GALNT17: variants seen among roughly 807,000 people sequenced by gnomAD.
The protein encoded by GALNT17 is polypeptide N-acetylgalactosaminyltransferase 17.
Under a neutral mutation model 63.7 loss-of-function variants are expected in GALNT17, and 29 were observed. That is an observed-to-expected ratio of 0.46 (90% CI 0.34 to 0.62). The LOEUF is 0.62. Ranked by LOEUF, GALNT17 falls within the 20% of genes least tolerant of loss-of-function variation. The probability of loss-of-function intolerance (pLI) is 0.01; values close to 1 mark genes in which losing one functional copy is unlikely to be tolerated. For synonymous variants in GALNT17, 305 were observed against 318.3 expected (o/e 0.96, Z 0.45); for missense variants, 603 against 799.6 (o/e 0.75, Z 2.97).
At chr7:71,520,185 C>A (rs943719811) in intron 5 of GALNT17, among the ~76,000 whole-genome samples, 5 of 152,136 alleles carry the variant, frequency 3.3e-5, no homozygotes, top group Admixed American at 2.0e-4. Flanking sequence ...TTGGAGACTT[C>A]TGATCTTTCG....
At chr7:71,250,988 G>A (rs1211793554) in intron 1 of GALNT17, among the ~76,000 whole-genome samples, 6 of 152,180 alleles carry the variant, frequency 3.9e-5, no homozygotes, top group African/African-American at 1.4e-4. Flanking sequence ...GTAGGTGAAA[G>A]CATAAGCATT....
rs1192806675 is a variant in GALNT17 at position 71,335,736 on chromosome 7, A to G, written c.422+3A>G. 1 of 1,598,178 alleles carries G rather than the reference A, an allele frequency of 6.3e-7. No individual in the cohort carries two copies. Among genetic ancestry groups the G allele is most frequent in the East Asian group, 2.3e-5 (1 of 44,048 alleles). On this transcript the variant is annotated splice_donor_region_variant and intron_variant, in intron 2 of 10. Transcript: ENST00000333538. ...ATTCCGGATTATCGTCCCACCAAGTAAGTTCTGGTTCAGTCATTTGCGGAG... is the reference window on the plus strand; with the variant it reads ...ATTCCGGATTATCGTCCCACCAAGTGAGTTCTGGTTCAGTCATTTGCGGAG...
chr7:71,342,342 AACTC>A (rs1368874478), intron 2 of GALNT17, among the ~76,000 whole-genome samples: 1 of 152,102 alleles, frequency 6.6e-6, no homozygotes, highest in Admixed American at 6.6e-5. Context: ...ATCTCATGTG[AACTC>A]ACTCATCATC....
intron 1 of GALNT17, among the ~76,000 whole-genome samples, chr7:71,170,990 C>T (rs1788537584): frequency 6.6e-6 from 1 of 151,978 alleles, no homozygotes; most frequent in African/African-American, 2.4e-5. Flanking sequence ...ATTAGTAGGA[C>T]ACCTCTCTGG....
At chr7:71,349,134 C>T (rs1175043489) in intron 2 of GALNT17, among the ~76,000 whole-genome samples, 1 of 152,214 alleles carries the variant, frequency 6.6e-6, no homozygotes, top group South Asian at 2.1e-4. Flanking sequence ...CCTTTGCAAT[C>T]ACAACGCCTG....
intron 1 of GALNT17, among the ~76,000 whole-genome samples, chr7:71,163,436 G>A (rs184964241): frequency 6.6e-6 from 1 of 152,166 alleles, no homozygotes; most frequent in Non-Finnish European, 1.5e-5. Context: ...AAATGTTCTT[G>A]GTGACTGATT....
intron 5 of GALNT17, among the ~76,000 whole-genome samples, chr7:71,472,843 G>T (rs1183426786): frequency 6.6e-6 from 1 of 152,080 alleles, no homozygotes; most frequent in Admixed American, 6.5e-5. Context: ...AAACAAAAAC[G>T]AAAACCAACC....
chr7:71,393,967 C>T (rs1164902236), intron 3 of GALNT17, among the ~76,000 whole-genome samples: 8 of 149,654 alleles, frequency 5.3e-5, no homozygotes, highest in African/African-American at 2.0e-4. Context: ...CCTGGTGCCC[C>T]GACACTACTC....
At chr7:71,464,752 G>A (rs143951653) in intron 5 of GALNT17, among the ~76,000 whole-genome samples, 212 of 152,256 alleles carry the variant, frequency 1.4e-3, no homozygotes, top group African/African-American at 4.9e-3. Context: ...GTGCTCTGGG[G>A]CTGAGGAGAG....
chr7:71,511,332 G>T (rs896861713), intron 5 of GALNT17, among the ~76,000 whole-genome samples: 19 of 152,106 alleles, frequency 1.2e-4, no homozygotes, highest in African/African-American at 4.6e-4. Context: ...GGGTAATAGG[G>T]GTTGAGGGGC....
At chr7:71,143,348 G>A (rs1428070229) in intron 1 of GALNT17, among the ~76,000 whole-genome samples, 1 of 151,002 alleles carries the variant, frequency 6.6e-6, no homozygotes, top group Non-Finnish European at 1.5e-5. Flanking sequence ...CTTGAACTCA[G>A]GAGGTGGAGG....
intron 5 of GALNT17, among the ~76,000 whole-genome samples, chr7:71,491,258 G>A (rs1039018018): frequency 6.6e-6 from 1 of 152,130 alleles, no homozygotes; most frequent in African/African-American, 2.4e-5. Flanking sequence ...TCTGGGTTCT[G>A]TCTCCTGCTC....
intron 5 of GALNT17, among the ~76,000 whole-genome samples, chr7:71,483,952 A>G (rs1163022805): frequency 1.3e-5 from 2 of 152,104 alleles, no homozygotes; most frequent in African/African-American, 4.8e-5. Flanking sequence ...GATCGTCAAT[A>G]TCACCATCTT....
At chr7:71,427,484 G>A (rs918122247) in intron 5 of GALNT17, among the ~76,000 whole-genome samples, 3 of 152,034 alleles carry the variant, frequency 2.0e-5, no homozygotes, top group African/African-American at 4.8e-5. Context: ...CCACATTGGG[G>A]TGTAGGAAAT....
At chr7:71,524,516 C>T (rs1788592808) in intron 5 of GALNT17, among the ~76,000 whole-genome samples, 1 of 152,058 alleles carries the variant, frequency 6.6e-6, no homozygotes, top group Admixed American at 6.6e-5. Flanking sequence ...CTACACATGG[C>T]TTCAGTCTTG....
intron 2 of GALNT17, among the ~76,000 whole-genome samples, chr7:71,352,068 A>G (rs1416902315): frequency 6.6e-6 from 1 of 152,146 alleles, no homozygotes; most frequent in Non-Finnish European, 1.5e-5. Flanking sequence ...TGTAGCTCTC[A>G]TAATTCCCAT....
chr7:71,221,481 C>T (rs189608228), intron 1 of GALNT17, among the ~76,000 whole-genome samples: 24 of 151,368 alleles, frequency 1.6e-4, no homozygotes, highest in East Asian at 5.9e-4. Context: ...CATCTCCCTC[C>T]GTAGCCAATT....
chr7:71,470,540 T>G (rs529249133), intron 5 of GALNT17, among the ~76,000 whole-genome samples: 1 of 152,206 alleles, frequency 6.6e-6, no homozygotes, highest in African/African-American at 2.4e-5. Context: ...TGTAAACTGC[T>G]CACTTTTAGA....
chr7:71,527,592 C>G (rs1228704958), intron 5 of GALNT17, among the ~76,000 whole-genome samples: 9 of 152,210 alleles, frequency 5.9e-5, no homozygotes, highest in Admixed American at 3.9e-4. Context: ...TGTCTTTTCT[C>G]ACTGTGCTCA....
Sources: gnomAD v4.1 joint callset for allele counts (sites outside exome capture counted in the v4.1 genomes callset) on GRCh38, gnomAD v4.1.1 for gene constraint, MANE v1.5 for transcripts, NCBI Gene and HGNC (gene_info 2026-07-23, HGNC 2026-07-21) for gene names.